The following IQCM variants were observed in gnomAD, a reference collection of about 807,000 sequenced individuals.
IQCM encodes IQ domain-containing protein M.
Under a neutral mutation model 57.6 loss-of-function variants are expected in IQCM, and 45 were observed. That is an observed-to-expected ratio of 0.78 (90% CI 0.62 to 1.00). The LOEUF (loss-of-function observed/expected upper bound fraction) is 1.00. IQCM is among the 50% of genes least tolerant of loss of function. IQCM has a pLI of 0.00. For synonymous variants in IQCM, 148 were observed against 158.9 expected (o/e 0.93, Z 0.51); for missense variants, 468 against 511.6 (o/e 0.91, Z 0.82).
intron 8 of IQCM, among the ~76,000 whole-genome samples, chr4:149,610,086 T>C (rs914800546): frequency 1.3e-5 from 2 of 151,782 alleles, no homozygotes; most frequent in South Asian, 2.1e-4. Context: ...ATATGCCAAC[T>C]GCAAACAATC....
intron 13 of IQCM, among the ~76,000 whole-genome samples, chr4:149,382,600 A>C (rs1228086968): frequency 6.6e-6 from 1 of 151,800 alleles, no homozygotes; most frequent in African/African-American, 2.4e-5. Context: ...TTTTTCCTGC[A>C]GAACTTAGAT....
At chr4:149,767,793 G>T (rs947792685) in intron 2 of IQCM, among the ~76,000 whole-genome samples, 3 of 151,700 alleles carry the variant, frequency 2.0e-5, no homozygotes, top group African/African-American at 4.8e-5. Context: ...AAGTTAAAAT[G>T]ATTTTTGAAT....
At chr4:149,401,693 C>A (rs1009982157) in intron 13 of IQCM, among the ~76,000 whole-genome samples, 2 of 151,670 alleles carry the variant, frequency 1.3e-5, no homozygotes, top group Admixed American at 6.6e-5. Flanking sequence ...CATTACATTT[C>A]AATGGTTAGG....
intron 12 of IQCM, among the ~76,000 whole-genome samples, chr4:149,464,718 A>G (rs911970928): frequency 2.0e-5 from 3 of 152,186 alleles, no homozygotes; most frequent in African/African-American, 7.2e-5. Flanking sequence ...GCTACTCAAC[A>G]GAACTTTGTG....
chr4:149,656,868 A>G (rs2150144622), intron 7 of IQCM, among the ~76,000 whole-genome samples: 1 of 152,330 alleles, frequency 6.6e-6, no homozygotes, highest in Non-Finnish European at 1.5e-5. Context: ...AAATTTGTAT[A>G]GCCAGTGTGT....
chr4:149,362,476 G>A (rs962500150), intron 13 of IQCM, among the ~76,000 whole-genome samples: 1 of 151,954 alleles, frequency 6.6e-6, no homozygotes, highest in African/African-American at 2.4e-5. Context: ...GAATCATAGG[G>A]GCCAGTCTTT....
chr4:149,424,082 T>C (rs555187974), intron 13 of IQCM, among the ~76,000 whole-genome samples: 1 of 152,022 alleles, frequency 6.6e-6, no homozygotes, highest in African/African-American at 2.4e-5. Context: ...AAATACCTAC[T>C]ATGGGCTGAG....
At chr4:149,594,747 G>C (rs939042945) in intron 8 of IQCM, among the ~76,000 whole-genome samples, 3 of 152,170 alleles carry the variant, frequency 2.0e-5, no homozygotes, top group African/African-American at 7.2e-5. Flanking sequence ...TTGTTCAGTT[G>C]CCATGTAGTT....
chr4:149,383,454 T>C (rs181513036), intron 13 of IQCM, among the ~76,000 whole-genome samples: 10 of 152,282 alleles, frequency 6.6e-5, no homozygotes, highest in South Asian at 2.1e-4. Flanking sequence ...TTTTGGTATA[T>C]GCAATAAACC....
At chr4:149,636,973 C>T (rs1458404404) in intron 7 of IQCM, among the ~76,000 whole-genome samples, 3 of 151,394 alleles carry the variant, frequency 2.0e-5, no homozygotes, top group Admixed American at 2.0e-4. Flanking sequence ...GAAACCCCGC[C>T]TCTACTAAAA....
At chr4:149,778,070 A>G (rs1771259440) in intron 2 of IQCM, among the ~76,000 whole-genome samples, 1 of 152,204 alleles carries the variant, frequency 6.6e-6, no homozygotes, top group Non-Finnish European at 1.5e-5. Flanking sequence ...AAATTTTAAA[A>G]AACACAGTTA....
At chr4:149,557,517 T>G (rs1242108193) in intron 10 of IQCM, among the ~76,000 whole-genome samples, 3 of 152,216 alleles carry the variant, frequency 2.0e-5, no homozygotes, top group African/African-American at 7.2e-5. Flanking sequence ...TCATGCACGC[T>G]TTTTAAGGCA....
At chr4:149,561,120 A>C (rs1054586327) in intron 10 of IQCM, among the ~76,000 whole-genome samples, 2 of 152,216 alleles carry the variant, frequency 1.3e-5, no homozygotes, top group South Asian at 4.1e-4. Flanking sequence ...AATGATCATA[A>C]CAAATATTAT....
intron 2 of IQCM, among the ~76,000 whole-genome samples, chr4:149,810,449 A>G (rs1774464260): frequency 6.6e-6 from 1 of 151,746 alleles, no homozygotes; most frequent in South Asian, 2.1e-4. Flanking sequence ...TTTCAAAAAC[A>G]TATAATTTTT....
chr4:149,476,485 G>A (rs1266874059), intron 12 of IQCM, among the ~76,000 whole-genome samples: 1 of 152,146 alleles, frequency 6.6e-6, no homozygotes, highest in Non-Finnish European at 1.5e-5. Flanking sequence ...GTGACAAGTT[G>A]TAAGACTGGG....
At chr4:149,492,457 C>T (rs1441536098) in intron 12 of IQCM, among the ~76,000 whole-genome samples, 1 of 152,084 alleles carries the variant, frequency 6.6e-6, no homozygotes, top group Non-Finnish European at 1.5e-5. Flanking sequence ...ACAAACTAAG[C>T]CCTACTTGGT....
intron 10 of IQCM, among the ~76,000 whole-genome samples, chr4:149,561,411 A>ATG (rs1202135518): frequency 6.6e-6 from 1 of 152,026 alleles, no homozygotes; most frequent in Non-Finnish European, 1.5e-5. Flanking sequence ...AACTTTAAGG[A>ATG]TGTGTGTGTG....
chr4:149,694,298 C>CA (rs962055362), intron 5 of IQCM, among the ~76,000 whole-genome samples: 6 of 142,350 alleles, frequency 4.2e-5, no homozygotes, highest in African/African-American at 1.6e-4. Flanking sequence ...GATCTCGGCT[C>CA]ACTGCAAGCT....
intron 5 of IQCM, among the ~76,000 whole-genome samples, chr4:149,708,243 CA>C (rs1764302192): frequency 6.6e-6 from 1 of 151,922 alleles, no homozygotes; most frequent in African/African-American, 2.4e-5. Context: ...TAATGTTATC[CA>C]GCACCAAAAT....
Sources: gnomAD v4.1 joint callset for allele counts (sites outside exome capture counted in the v4.1 genomes callset) on GRCh38, gnomAD v4.1.1 for gene constraint, MANE v1.5 for transcripts, NCBI Gene and HGNC (gene_info 2026-07-23, HGNC 2026-07-21) for gene names.